CSMD1: variants seen among roughly 807,000 people sequenced by gnomAD.
CSMD1 encodes the protein CUB and sushi domain-containing protein 1.
Under a neutral mutation model 417.5 loss-of-function variants are expected in CSMD1, and 213 were observed. The observed-to-expected ratio is 0.51, with a 90% CI of 0.46 to 0.57. The LOEUF (loss-of-function observed/expected upper bound fraction) is 0.57. Ranked by LOEUF, CSMD1 falls within the 20% of genes least tolerant of loss-of-function variation. CSMD1 has a pLI of 0.00. For missense variants in CSMD1, 6,923 were observed against 4,529.7 expected (o/e 1.53, Z -15.17); for synonymous variants, 2,862 against 1,736.8 (o/e 1.65, Z -16.11).
At chr8:4,647,336 C>A (rs1203971471) in intron 1 of CSMD1, among the ~76,000 whole-genome samples, 1 of 148,048 alleles carries the variant, frequency 6.8e-6, no homozygotes, top group Non-Finnish European at 1.5e-5. Flanking sequence ...CGGCGGCCTG[C>A]TACGTAGGTA....
chr8:4,843,245 T>C (rs951662689), intron 1 of CSMD1, among the ~76,000 whole-genome samples: 1 of 152,152 alleles, frequency 6.6e-6, no homozygotes, highest in African/African-American at 2.4e-5. Flanking sequence ...TCTAGGGGAA[T>C]ACGATGTCTC....
chr8:3,455,470 T>G, intron 12 of CSMD1, among the ~76,000 whole-genome samples: 1 of 152,200 alleles, frequency 6.6e-6, no homozygotes, highest in Non-Finnish European at 1.5e-5. Flanking sequence ...TTGATGATGG[T>G]GATGTACAGA....
chr8:3,844,308 T>C (rs372397890), intron 5 of CSMD1, among the ~76,000 whole-genome samples: 1 of 152,076 alleles, frequency 6.6e-6, no homozygotes, highest in African/African-American at 2.4e-5. Context: ...AATAACAGCA[T>C]TGGTGGATCA....
At chr8:4,721,183 C>A (rs1041333030) in intron 1 of CSMD1, among the ~76,000 whole-genome samples, 10 of 152,170 alleles carry the variant, frequency 6.6e-5, no homozygotes, top group African/African-American at 2.4e-4. Flanking sequence ...TATTGCGATC[C>A]ATATACTTTG....
At position 4,747,431 on chromosome 8, in the gene CSMD1, G is replaced by T. The variant is rs541096116; in HGVS notation, c.86-109873C>A. Among the ~76,000 whole-genome samples, 9 of 152,234 alleles carry T rather than the reference G, an allele frequency of 5.9e-5. No individual in the cohort carries two copies. In the East Asian group the frequency reaches 1.7e-3, roughly 29 times the overall value. On this transcript the variant is annotated intron_variant, in intron 1 of 69. Coordinates refer to ENST00000635120, the MANE Select transcript of CSMD1 (RefSeq NM_033225.6). The stretch of plus-strand genomic sequence containing the variant: ...AGAGCAATACAATAGTGTGTTAAAA[G>T]GTGGTACTTATGTCAGAGAAAATTT...
At chr8:3,834,493 G>A (rs1350252061) in intron 5 of CSMD1, among the ~76,000 whole-genome samples, 1 of 152,156 alleles carries the variant, frequency 6.6e-6, no homozygotes, top group East Asian at 1.9e-4. Flanking sequence ...TCAGTACCTC[G>A]GTACTTAAGG....
At chr8:3,244,405 C>G (rs912006949) in intron 26 of CSMD1, among the ~76,000 whole-genome samples, 3 of 152,084 alleles carry the variant, frequency 2.0e-5, no homozygotes, top group Non-Finnish European at 2.9e-5. Flanking sequence ...GAGCAATCTG[C>G]TTTTGTTTAA....
chr8:3,242,786 C>G (rs1263002344), intron 26 of CSMD1, among the ~76,000 whole-genome samples: 8 of 150,908 alleles, frequency 5.3e-5, no homozygotes. Flanking sequence ...ACCCTCCAGA[C>G]AAGCGGGAAA....
At chr8:3,497,813 G>C (rs1796429737) in intron 10 of CSMD1, among the ~76,000 whole-genome samples, 1 of 152,084 alleles carries the variant, frequency 6.6e-6, no homozygotes, top group South Asian at 2.1e-4. Context: ...TCTCTTCTTG[G>C]TTATTTTTGT....
chr8:4,028,002 T>G (rs1016301711), intron 4 of CSMD1, among the ~76,000 whole-genome samples: 4 of 152,168 alleles, frequency 2.6e-5, no homozygotes, highest in African/African-American at 9.7e-5. Flanking sequence ...ATCAATTAAT[T>G]GAGAACAGTC....
chr8:3,037,372 ATTT>A (rs370080297), intron 50 of CSMD1, among the ~76,000 whole-genome samples: 27,871 of 133,406 alleles, frequency 0.21, 3,696 homozygotes, highest in Non-Finnish European at 0.25. Flanking sequence ...AGCCCAGCTA[ATTT>A]TTTTTTGTAT....
At chr8:3,606,948 G>T (rs990341305) in intron 8 of CSMD1, among the ~76,000 whole-genome samples, 6 of 152,058 alleles carry the variant, frequency 3.9e-5, no homozygotes, top group Non-Finnish European at 5.9e-5. Context: ...TTAATCTCAT[G>T]ATCTGCCCAC....
intron 26 of CSMD1, among the ~76,000 whole-genome samples, chr8:3,263,913 C>G (rs1340940392): frequency 1.3e-5 from 2 of 152,150 alleles, no homozygotes; most frequent in East Asian, 3.8e-4. Flanking sequence ...TTTAAAAACA[C>G]TTTTTACCTA....
chr8:4,288,553 C>T (rs937077185), intron 3 of CSMD1, among the ~76,000 whole-genome samples: 3 of 152,180 alleles, frequency 2.0e-5, no homozygotes, highest in Non-Finnish European at 4.4e-5. Flanking sequence ...ATGACTTGTC[C>T]TTCTAAGTGA....
At chr8:3,931,570 C>G (rs923253323) in intron 5 of CSMD1, among the ~76,000 whole-genome samples, 2 of 149,980 alleles carry the variant, frequency 1.3e-5, no homozygotes, top group African/African-American at 4.9e-5. Flanking sequence ...GGAGGTCAGG[C>G]AGCAGTCAGT....
At chr8:4,476,421 C>A (rs543829903) in intron 2 of CSMD1, among the ~76,000 whole-genome samples, 2 of 152,228 alleles carry the variant, frequency 1.3e-5, no homozygotes, top group South Asian at 4.1e-4. Context: ...AATTCAGCTT[C>A]TTTTAAATGT....
intron 2 of CSMD1, among the ~76,000 whole-genome samples, chr8:4,550,696 C>G (rs895907356): frequency 6.6e-6 from 1 of 152,100 alleles, no homozygotes; most frequent in Non-Finnish European, 1.5e-5. Flanking sequence ...CCTAACTCAC[C>G]TTGTCTATTA....
chr8:3,307,309 C>G (rs183750886), intron 25 of CSMD1, among the ~76,000 whole-genome samples: 1 of 152,128 alleles, frequency 6.6e-6, no homozygotes, highest in African/African-American at 2.4e-5. Context: ...GCTTTCCCAA[C>G]CATCCCAGCT....
intron 3 of CSMD1, among the ~76,000 whole-genome samples, chr8:4,164,497 G>A (rs35792790): frequency 0.39 from 58,482 of 151,370 alleles, 11,465 homozygotes; most frequent in Middle Eastern, 0.5. Flanking sequence ...CGCAATGCCA[G>A]CTAATCCTAC....
Sources: allele counts gnomAD v4.1 joint callset (sites outside exome capture counted in the v4.1 genomes callset), GRCh38; gene constraint gnomAD v4.1.1; transcripts MANE v1.5; gene names NCBI Gene and HGNC (gene_info 2026-07-23, HGNC 2026-07-21).